The following DOK6 variants were observed in gnomAD, a reference collection of about 807,000 sequenced individuals.
DOK6 encodes the protein downstream of tyrosine kinase 6.
A neutral mutation model predicts 44.0 loss-of-function variants in DOK6; 22 were observed. That is an observed-to-expected ratio of 0.50 (90% CI 0.36 to 0.71). DOK6 has a LOEUF of 0.71. DOK6 is among the 30% of genes least tolerant of loss of function. The pLI is 0.00. For synonymous variants in DOK6, 166 were observed against 145.5 expected (o/e 1.14, Z -1.01); for missense variants, 340 against 416.4 (o/e 0.82, Z 1.60).
At chr18:69,698,199 G>T (rs569763311) in intron 4 of DOK6, among the ~76,000 whole-genome samples, 14 of 152,270 alleles carry the variant, frequency 9.2e-5, no homozygotes, top group African/African-American at 1.7e-4. Flanking sequence ...GTGAATGAAT[G>T]AATTAATGAT....
At chr18:69,748,257 C>A (rs537459223) in intron 6 of DOK6, among the ~76,000 whole-genome samples, 1 of 152,138 alleles carries the variant, frequency 6.6e-6, no homozygotes, top group African/African-American at 2.4e-5. Context: ...TTCTTAGAGA[C>A]CTATAAAGAG....
At chr18:69,624,451 A>G (rs1984510791) in intron 3 of DOK6, among the ~76,000 whole-genome samples, 1 of 152,062 alleles carries the variant, frequency 6.6e-6, no homozygotes, top group Admixed American at 6.6e-5. Context: ...AATCCATTGT[A>G]TTTTTCTGTA....
At chr18:69,545,026 C>G (rs566374600) in intron 1 of DOK6, among the ~76,000 whole-genome samples, 9 of 150,452 alleles carry the variant, frequency 6.0e-5, no homozygotes, top group Non-Finnish European at 1.0e-4. Context: ...GAGGCTGAGG[C>G]AGGAGAATCA....
intron 7 of DOK6, among the ~76,000 whole-genome samples, chr18:69,783,975 C>T (rs1980354898): frequency 6.6e-6 from 1 of 152,174 alleles, no homozygotes; most frequent in Admixed American, 6.5e-5. Flanking sequence ...GTGTTGATCA[C>T]TTCAGCCCAT....
intron 1 of DOK6, among the ~76,000 whole-genome samples, chr18:69,450,517 C>G (rs1228394956): frequency 7.8e-6 from 1 of 128,024 alleles, no homozygotes; most frequent in Non-Finnish European, 1.6e-5. Context: ...CTTCCCCAAT[C>G]TAGCAAGGCA....
In DOK6 at chr18:69,612,730, G is replaced by T. The variant is rs868696877; in HGVS notation, c.289+13232G>T. 1.5e-3 allele frequency among the ~76,000 whole-genome samples: 227 copies of T among 152,236 alleles called. 2 individuals carry two copies. The highest frequency in any genetic ancestry group is 5.2e-3 in the African/African-American group (215 of 41,528). Reference sequence around the variant, plus strand: ...AGTGAGGACATGCACATATTGGCTTGCTTACCCCTGTATTCCTAGCACCAC... The same window carrying T: ...AGTGAGGACATGCACATATTGGCTTTCTTACCCCTGTATTCCTAGCACCAC... On this transcript the variant is annotated intron_variant, in intron 3 of 7. Transcript: ENST00000382713.
In DOK6 at chr18:69,698,554, A is replaced by G. The variant is rs1986443821; in HGVS notation, c.560A>G (p.Tyr187Cys). The G allele has an allele frequency of 6.2e-7, 1 of 1,613,924 alleles. No individual in the cohort carries two copies. The highest frequency in any genetic ancestry group is 8.5e-7 in the Non-Finnish European group (1 of 1,179,958). ...VMWPLSSLRR[Y>C]GRDSTWFTFE... is the part of the protein sequence containing the mutation. ...TGGCCTCTCAGCTCACTGAGGAGAT[A>G]CGGTCGGGACTCAACGTGGTTCACG... The change falls in exon 5 of 8, where the codon TAC becomes TGC. Residue 187 changes from tyrosine (Y) to cysteine (C), a missense_variant. Transcript: ENST00000382713.
intron 2 of DOK6, among the ~76,000 whole-genome samples, chr18:69,569,750 A>G (rs897660841): frequency 6.6e-6 from 1 of 152,218 alleles, no homozygotes; most frequent in Non-Finnish European, 1.5e-5. Flanking sequence ...TCTACCATAA[A>G]GGCACATGCA....
chr18:69,844,245 T>G lies in DOK6; in HGVS notation c.*2862T>G, dbSNP rs1030731907. On this transcript the variant is annotated 3_prime_UTR_variant, in exon 8 of 8. Transcript: ENST00000382713. ...GAGGAATTACTATGAACCAAAGATATCTTTTGGCTCCTTCTGAAAGTGACT... is the reference window on the plus strand; with the variant it reads ...GAGGAATTACTATGAACCAAAGATAGCTTTTGGCTCCTTCTGAAAGTGACT... 1.3e-5 allele frequency: 2 copies of G among 152,210 alleles called. No homozygotes were observed. The highest frequency in any genetic ancestry group is 4.8e-5 in the African/African-American group (2 of 41,454). 9.4% of individuals were successfully genotyped at this position (152,210 alleles called of 1,614,324 possible). A position where few individuals can be genotyped will look rare whatever the true frequency, so the allele number is the denominator to read the frequency against.
chr18:69,786,069 T>C (rs1980419178), intron 7 of DOK6, among the ~76,000 whole-genome samples: 1 of 152,162 alleles, frequency 6.6e-6, no homozygotes, highest in Admixed American at 6.5e-5. Flanking sequence ...GTTGTATGCG[T>C]TTGATATTTA....
Position 69,841,620 on chromosome 18 carries a change from C to T in DOK6, c.*237C>T, listed in dbSNP as rs1032745384. ...TGTTTTACATAAATAGAATCCAAATCGTATGAACAGTTATTTAAATAAACA... is the reference window on the plus strand; with the variant it reads ...TGTTTTACATAAATAGAATCCAAATTGTATGAACAGTTATTTAAATAAACA... On this transcript the variant is annotated 3_prime_UTR_variant, in exon 8 of 8. Coordinates refer to ENST00000382713, the MANE Select transcript of DOK6 (RefSeq NM_152721.6). The T allele has an allele frequency of 6.0e-6, 3 of 499,510 alleles. No individual in the cohort carries two copies. The highest frequency in any genetic ancestry group is 3.4e-5 in the Admixed American group (1 of 29,580). 30.9% of individuals were successfully genotyped at this position (499,510 alleles called of 1,614,324 possible).
At position 69,738,979 on chromosome 18, in the gene DOK6, GAGA is replaced by G; in HGVS notation, c.617_619del (p.Glu206del). 6 of 1,614,012 alleles carry G rather than the reference GAGA, an allele frequency of 3.7e-6. No individual in the cohort carries two copies. The highest frequency in any genetic ancestry group is 5.1e-6 in the Non-Finnish European group (6 of 1,179,900). On this transcript the variant is annotated inframe_deletion, in exon 6 of 8. Coordinates refer to ENST00000382713, the MANE Select transcript of DOK6 (RefSeq NM_152721.6). ...TATTCTCACAGAATGTGTGACACAG[GAGA>G]AGGACTATTCACTTTTCAAACAAGG...
At chr18:69,700,217 A>ATATATATATATATATATATT (rs1491588961) in intron 5 of DOK6, among the ~76,000 whole-genome samples, 1 of 59,650 alleles carries the variant, frequency 1.7e-5, no homozygotes, top group East Asian at 9.2e-4. Context: ...ATATATATAC[A>ATATATATATATATATATATT]TATATATATA....
intron 4 of DOK6, among the ~76,000 whole-genome samples, chr18:69,688,627 A>T (rs1341648441): frequency 2.0e-5 from 3 of 152,100 alleles, no homozygotes; most frequent in African/African-American, 7.2e-5. Context: ...GGTTCAAGTG[A>T]TTCTCTTGCC....
chr18:69,436,830 T>TGG (rs1349904340), intron 1 of DOK6, among the ~76,000 whole-genome samples: 3 of 152,240 alleles, frequency 2.0e-5, no homozygotes, highest in Admixed American at 6.5e-5. Flanking sequence ...TGTTGTTTCC[T>TGG]GACTTTTTAA....
chr18:69,602,311 G>A (rs1983891712), intron 3 of DOK6, among the ~76,000 whole-genome samples: 1 of 152,208 alleles, frequency 6.6e-6, no homozygotes, highest in African/African-American at 2.4e-5. Flanking sequence ...CTTTACCTCT[G>A]TGGTCTTCAT....
At chr18:69,825,427 CTTTTTTTTTTTT>C (rs34656265) in intron 7 of DOK6, among the ~76,000 whole-genome samples, 1 of 82,958 alleles carries the variant, frequency 1.2e-5, no homozygotes, top group East Asian at 3.1e-4. Context: ...ATCATAACTT[CTTTTTTTTTTTT>C]TTTTTTTTTT....
intron 1 of DOK6, among the ~76,000 whole-genome samples, chr18:69,541,874 A>T (rs1197987132): frequency 1.3e-5 from 2 of 151,584 alleles, no homozygotes; most frequent in African/African-American, 4.8e-5. Flanking sequence ...ATTTGGCCAG[A>T]TGTCAGGATA....
chr18:69,748,339 C>G (rs1979057369), intron 6 of DOK6, among the ~76,000 whole-genome samples: 1 of 152,000 alleles, frequency 6.6e-6, no homozygotes, highest in Middle Eastern at 3.2e-3. Flanking sequence ...ATCACCGAGA[C>G]AGAAACTTAA....
Sources: allele counts gnomAD v4.1 joint callset (sites outside exome capture counted in the v4.1 genomes callset), GRCh38; gene constraint gnomAD v4.1.1; transcripts MANE v1.5; gene names NCBI Gene and HGNC (gene_info 2026-07-23, HGNC 2026-07-21).